Variants in DCLK3 observed in about 807,000 individuals in gnomAD.
DCLK3 encodes the protein serine/threonine-protein kinase DCLK3.
In DCLK3, 30 loss-of-function variants were observed where a neutral mutation model predicts 46.4. The observed-to-expected ratio is 0.65, with a 90% confidence interval of 0.48 to 0.88. The LOEUF (loss-of-function observed/expected upper bound fraction) is 0.88, where lower values mean the gene tolerates loss of function less well. Among genes scored for constraint, DCLK3 ranks in the 40% least tolerant of loss-of-function variants. The probability of loss-of-function intolerance (pLI) is 0.00; values close to 1 mark genes in which losing one functional copy is unlikely to be tolerated. For missense variants in DCLK3, 846 were observed against 907.1 expected (o/e 0.93, Z 0.87); for synonymous variants, 401 against 339.2 (o/e 1.18, Z -2.00).
chr3:36,718,415 T>A (rs1484272790), intron 3 of DCLK3, among the ~76,000 whole-genome samples: 1 of 152,234 alleles, frequency 6.6e-6, no homozygotes, highest in Non-Finnish European at 1.5e-5. Flanking sequence ...AATGCCTTAT[T>A]ACTGGTCTGT....
chr3:36,715,641 C>G (rs1700969270), intron 4 of DCLK3, 120 bp from the exon 5 acceptor site: 1 of 1,078,772 alleles, frequency 9.3e-7, no homozygotes, highest in South Asian at 1.8e-5. Flanking sequence ...TGAAAGCCTC[C>G]TTCATATTCT....
Position 36,737,088 on chromosome 3 carries a change from A to T in DCLK3, c.1959+120T>A. ...TTTTAAATACTGGAACAAGTATGTT[A>T]TAATAACATAAAAGTAAAATTCTAG... On this transcript the variant is annotated intron_variant, in intron 2 of 4. Transcript: ENST00000636136. This position sits in a 1 kb window ranked among gnomAD's most constrained non-coding sequence, Gnocchi z 4.4. The T allele has an allele frequency of 7.4e-7, 1 of 1,344,828 alleles. No homozygotes were observed. Among genetic ancestry groups the T allele is most frequent in the Non-Finnish European group, 1.0e-6 (1 of 1,003,424 alleles). The allele number at this position is 1,344,828 out of a possible 1,614,324, so 83.3% of individuals were successfully genotyped here. A position where few individuals can be genotyped will look rare whatever the true frequency, so the allele number is the denominator to read the frequency against.
At chr3:36,749,024 G>A (rs1370778274) in intron 1 of DCLK3, among the ~76,000 whole-genome samples, 1 of 152,110 alleles carries the variant, frequency 6.6e-6, no homozygotes, top group Non-Finnish European at 1.5e-5. Context: ...TAGGTTTCAT[G>A]TTTCCTCCCA....
At chr3:36,759,303 G>T (rs774719479) in intron 1 of DCLK3, among the ~76,000 whole-genome samples, 1 of 152,074 alleles carries the variant, frequency 6.6e-6, no homozygotes, top group Non-Finnish European at 1.5e-5. Flanking sequence ...CCCACAATTA[G>T]TTCTGACCAA....
intron 1 of DCLK3, among the ~76,000 whole-genome samples, chr3:36,754,930 A>G (rs555742418): frequency 6.6e-6 from 1 of 152,188 alleles, no homozygotes; most frequent in East Asian, 1.9e-4. Flanking sequence ...CTATAAGGCA[A>G]AAAAAATCAT....
At position 36,733,982 on chromosome 3, in the gene DCLK3, A is replaced by G. The variant is rs1484339502; in HGVS notation, c.1959+3226T>C. On this transcript the variant is annotated intron_variant, in intron 2 of 4. Coordinates refer to ENST00000636136, the MANE Select transcript of DCLK3 (RefSeq NM_001394672.2). ...TGACATAATCACTTCCCGAAGCTTA[A>G]CAAAGACAGGTCTTAATGGACACAG... 2.0e-5 allele frequency among the ~76,000 whole-genome samples: 3 copies of G among 152,224 alleles called. No individual in the cohort carries two copies. In the East Asian group the frequency reaches 5.8e-4, roughly 29 times the overall value.
intron 2 of DCLK3, among the ~76,000 whole-genome samples, chr3:36,730,397 C>G (rs547285994): frequency 9.4e-4 from 143 of 152,228 alleles, no homozygotes; most frequent in African/African-American, 3.3e-3. Context: ...GTTCATTCAA[C>G]AAATATTTAC....
chr3:36,727,414 C>G (rs1237046939), intron 2 of DCLK3, among the ~76,000 whole-genome samples: 1 of 152,190 alleles, frequency 6.6e-6, no homozygotes, highest in East Asian at 1.9e-4. Flanking sequence ...ATTCCAAAAC[C>G]TGGCTCCACT....
chr3:36,747,904 C>T (rs889051429), intron 1 of DCLK3, among the ~76,000 whole-genome samples: 5 of 152,182 alleles, frequency 3.3e-5, no homozygotes, highest in Non-Finnish European at 7.3e-5. Context: ...TAACAAGACC[C>T]TCAGGTGGTG....
At chr3:36,752,415 G>A (rs1341455479) in intron 1 of DCLK3, among the ~76,000 whole-genome samples, 1 of 152,120 alleles carries the variant, frequency 6.6e-6, no homozygotes, top group Non-Finnish European at 1.5e-5. Flanking sequence ...CACATCTCAG[G>A]TTCTGCTTCT....
intron 1 of DCLK3, among the ~76,000 whole-genome samples, chr3:36,746,670 C>T (rs1219416145): frequency 6.6e-6 from 1 of 152,236 alleles, no homozygotes; most frequent in African/African-American, 2.4e-5. Context: ...ACAGACACCC[C>T]ATGACAACAA....
rs988179712 is a variant in DCLK3, at chr3:36,713,062, C to T, written c.*2266G>A. On this transcript the variant is annotated 3_prime_UTR_variant, in exon 5 of 5. Coordinates refer to ENST00000636136, the MANE Select transcript of DCLK3 (RefSeq NM_001394672.2). ...TCCCAGCAGCAATGTACGGGAAGTTCCAGTCACTCTGCATCCTCGCTAGTA... is the reference window on the plus strand; with the variant it reads ...TCCCAGCAGCAATGTACGGGAAGTTTCAGTCACTCTGCATCCTCGCTAGTA... 4 of 152,164 alleles carry T rather than the reference C, an allele frequency of 2.6e-5. No individual in the cohort carries two copies. Among genetic ancestry groups the T allele is most frequent in the Non-Finnish European group, 5.9e-5 (4 of 68,032 alleles). 9.4% of individuals were successfully genotyped at this position (152,164 alleles called of 1,614,324 possible).
At chr3:36,732,259 G>T (rs145562142) in intron 2 of DCLK3, among the ~76,000 whole-genome samples, 1 of 152,172 alleles carries the variant, frequency 6.6e-6, no homozygotes, top group Non-Finnish European at 1.5e-5. Context: ...TGGATGTTTC[G>T]AAAGTAACTT....
intron 2 of DCLK3, among the ~76,000 whole-genome samples, chr3:36,730,193 T>TATACAC (rs960184285): frequency 2.1e-5 from 3 of 143,172 alleles, no homozygotes; most frequent in African/African-American, 8.0e-5. Flanking sequence ...ACACCATATA[T>TATACAC]ACACACACAC....
chr3:36,719,631 C>T (rs988232687), intron 3 of DCLK3, among the ~76,000 whole-genome samples: 1 of 152,206 alleles, frequency 6.6e-6, no homozygotes, highest in Admixed American at 6.5e-5. Context: ...CCTTGGCTCT[C>T]ATTCCTGGCA....
chr3:36,721,773 G>C (rs1701064658), intron 2 of DCLK3, 114 bp from the exon 3 acceptor site: 1 of 1,276,498 alleles, frequency 7.8e-7, no homozygotes, highest in African/African-American at 1.5e-5. Context: ...ACCTATATGA[G>C]ATTACAGCTT....
Position 36,738,314 on chromosome 3 carries a change from C to T in DCLK3, c.853G>A (p.Glu285Lys). 2.6e-6 allele frequency: 4 copies of T among 1,512,572 alleles called. No homozygotes were observed. The highest frequency in any genetic ancestry group is 3.5e-6 in the Non-Finnish European group (4 of 1,133,680). 93.7% of individuals were successfully genotyped at this position (1,512,572 alleles called of 1,614,324 possible). Residue 285 changes from glutamate to lysine, a missense_variant, in exon 2 of 5, where the codon GAG becomes AAG. By Grantham distance (56) the Glu-to-Lys change is moderately conservative. Coordinates refer to ENST00000636136, the MANE Select transcript of DCLK3 (RefSeq NM_001394672.2). ...TGCTTCTCTCCCCTTGCGTGCCTCT[C>T]TTCCAGAGTGGCTTCCCTGGGGGGC... ...SKPPREATLE[E>K]RHARGEKHLG...
intron 1 of DCLK3, among the ~76,000 whole-genome samples, chr3:36,760,358 C>G (rs2125540246): frequency 6.6e-6 from 1 of 152,140 alleles, no homozygotes; most frequent in East Asian, 1.9e-4. Context: ...TTTTCATTCT[C>G]AGCAAACTAT....
chr3:36,723,418 A>G (rs1303650807), intron 2 of DCLK3, among the ~76,000 whole-genome samples: 4 of 152,228 alleles, frequency 2.6e-5, no homozygotes, highest in Admixed American at 6.5e-5. Flanking sequence ...TGCCTAAGTA[A>G]TGAGGACCCA....
Sources: allele counts gnomAD v4.1 joint callset (sites outside exome capture counted in the v4.1 genomes callset), GRCh38; gene constraint gnomAD v4.1.1; non-coding constraint Gnocchi (gnomAD v3.1); transcripts MANE v1.5; gene names NCBI Gene and HGNC (gene_info 2026-07-23, HGNC 2026-07-21).